The following FNBP1 variants were observed in gnomAD, a reference collection of about 807,000 sequenced individuals.
FNBP1 encodes the protein formin-binding protein 1.
In FNBP1, 26 loss-of-function variants were observed where a neutral mutation model predicts 90.6. The observed-to-expected ratio is 0.29, with a 90% CI of 0.21 to 0.40. The LOEUF (loss-of-function observed/expected upper bound fraction) is 0.40, where lower values mean the gene tolerates loss of function less well. Among genes scored for constraint, FNBP1 ranks in the 10% least tolerant of loss-of-function variants. FNBP1 has a pLI of 1.00. For synonymous variants in FNBP1, 260 were observed against 265.2 expected (o/e 0.98, Z 0.19); for missense variants, 635 against 768.0 (o/e 0.83, Z 2.05).
intron 12 of FNBP1, 141 bp from the exon 13 acceptor site, chr9:129,903,142 C>T: frequency 1.3e-6 from 1 of 776,808 alleles, no homozygotes; most frequent in Admixed American, 2.7e-5. Context: ...ACCTTCACCT[C>T]CAGGGTTCAA....
chr9:129,941,261 C>T (rs754890441), intron 6 of FNBP1, among the ~76,000 whole-genome samples: 14 of 152,070 alleles, frequency 9.2e-5, no homozygotes, highest in Non-Finnish European at 1.9e-4. Flanking sequence ...TGGTGGCCCA[C>T]GCCTGTAATC....
chr9:129,909,352 T>C (rs1485477011), intron 11 of FNBP1, among the ~76,000 whole-genome samples: 1 of 152,170 alleles, frequency 6.6e-6, no homozygotes, highest in East Asian at 1.9e-4. Flanking sequence ...TTACCATCAA[T>C]GTCAGTGGCA....
At chr9:130,014,265 T>A (rs192721027) in intron 1 of FNBP1, among the ~76,000 whole-genome samples, 1,696 of 149,960 alleles carry the variant, frequency 0.011, 11 homozygotes, top group South Asian at 0.023. Flanking sequence ...TTTTTTTTTC[T>A]TTTTGAGACG....
At chr9:130,011,133 G>A (rs184571528) in intron 1 of FNBP1, among the ~76,000 whole-genome samples, 6 of 143,884 alleles carry the variant, frequency 4.2e-5, no homozygotes, top group East Asian at 4.3e-4. Flanking sequence ...GGAGAACAGC[G>A]TGAACCCAGG....
At chr9:129,956,879 C>T (rs2047017584) in intron 6 of FNBP1, among the ~76,000 whole-genome samples, 1 of 152,168 alleles carries the variant, frequency 6.6e-6, no homozygotes, top group South Asian at 2.1e-4. Context: ...ACCGAAGATT[C>T]CCCACACTTG....
At chr9:130,049,483 G>C in the FNBP1 span, among the ~76,000 whole-genome samples, 1 of 152,112 alleles carries the variant, frequency 6.6e-6, no homozygotes, top group East Asian at 1.9e-4. Flanking sequence ...GGAGGTGAAG[G>C]TTGGAGGACT....
At chr9:129,979,725 T>C (rs1313294153) in intron 2 of FNBP1, among the ~76,000 whole-genome samples, 1 of 152,074 alleles carries the variant, frequency 6.6e-6, no homozygotes, top group African/African-American at 2.4e-5. Context: ...TTGCAACTTC[T>C]GCCTCCCGGG....
chr9:130,030,518 C>CCTACA (rs2058713142), intron 1 of FNBP1, among the ~76,000 whole-genome samples: 1 of 152,082 alleles, frequency 6.6e-6, no homozygotes, highest in Non-Finnish European at 1.5e-5. Flanking sequence ...AAAGGAATCA[C>CCTACA]CTACACAGCA....
In FNBP1 at chr9:129,895,971, T is replaced by A. The variant is rs1370738638; in HGVS notation, c.1713A>T (p.Val571=). The change falls in exon 16 of 17, where the codon GTA becomes GTT. Residue 571 remains valine, a synonymous_variant. Coordinates refer to ENST00000446176, the MANE Select transcript of FNBP1 (RefSeq NM_015033.3). ...TGACATACAATGTTTCTCCTTCAACTACGGAAATCGTTCCTTCATTCTGAC... is the reference window on the plus strand; with the variant it reads ...TGACATACAATGTTTCTCCTTCAACAACGGAAATCGTTCCTTCATTCTGAC... The part of the protein sequence containing the change: ...FEGQNEGTIS[V]VEGETLYVIE... The A allele has an allele frequency of 6.2e-7, 1 of 1,609,804 alleles. No homozygotes were observed. Among genetic ancestry groups the A allele is most frequent in the Admixed American group, 1.7e-5 (1 of 58,970 alleles).
chr9:129,967,456 A>G (rs961673227), intron 4 of FNBP1, among the ~76,000 whole-genome samples: 26 of 152,286 alleles, frequency 1.7e-4, no homozygotes, highest in African/African-American at 5.8e-4. Context: ...CGGAACTTGC[A>G]GAGAGCCGAG....
At chr9:129,935,993 T>C (rs1373242994) in intron 6 of FNBP1, among the ~76,000 whole-genome samples, 2 of 152,176 alleles carry the variant, frequency 1.3e-5, no homozygotes, top group African/African-American at 4.8e-5. Flanking sequence ...AATCGCAGTT[T>C]TTGTCATTTG....
At chr9:129,905,959 C>A (rs1416443237) in intron 12 of FNBP1, among the ~76,000 whole-genome samples, 1 of 151,540 alleles carries the variant, frequency 6.6e-6, no homozygotes. Context: ...TCTCAGCTCA[C>A]TGCAACCTCT....
intron 2 of FNBP1, among the ~76,000 whole-genome samples, chr9:129,988,052 A>G (rs565849417): frequency 1.3e-5 from 2 of 152,192 alleles, no homozygotes; most frequent in Admixed American, 1.3e-4. Context: ...CCCCATGCAT[A>G]CTAAGAGAAA....
At chr9:129,929,828 CT>C in intron 6 of FNBP1, 133 bp from the exon 7 acceptor site, 1 of 760,446 alleles carries the variant, frequency 1.3e-6, no homozygotes, top group Non-Finnish European at 2.1e-6. Flanking sequence ...TCCGCGGGTG[CT>C]TTTTAATGTT....
At chr9:129,919,167 C>A (rs1247014280) in intron 10 of FNBP1, 1 of 1,296,272 alleles carries the variant, frequency 7.7e-7, no homozygotes, top group Admixed American at 2.3e-5. Context: ...ACAACATAGT[C>A]CCTAGCCTCA....
chr9:129,913,407 G>A (rs767532972), intron 11 of FNBP1, among the ~76,000 whole-genome samples: 1 of 152,074 alleles, frequency 6.6e-6, no homozygotes, highest in Non-Finnish European at 1.5e-5. Context: ...TGGGAAGAGA[G>A]GGTCATACAC....
chr9:129,991,881 G>C (rs1010537354), intron 2 of FNBP1, among the ~76,000 whole-genome samples: 1 of 151,892 alleles, frequency 6.6e-6, no homozygotes, highest in African/African-American at 2.4e-5. Context: ...GGATGGTCTC[G>C]ATCTCCTGAC....
intron 1 of FNBP1, among the ~76,000 whole-genome samples, chr9:130,019,717 G>A (rs986146774): frequency 2.0e-5 from 3 of 152,060 alleles, no homozygotes; most frequent in African/African-American, 7.2e-5. Flanking sequence ...TTTTCAAGTG[G>A]TCAAATGCAT....
At chr9:130,026,979 A>G (rs959072710) in intron 1 of FNBP1, among the ~76,000 whole-genome samples, 6 of 151,992 alleles carry the variant, frequency 3.9e-5, no homozygotes, top group Admixed American at 6.6e-5. Context: ...AAAAAAAAAA[A>G]AAAAGTTTTG....
Sources: allele counts gnomAD v4.1 joint callset (sites outside exome capture counted in the v4.1 genomes callset), GRCh38; gene constraint gnomAD v4.1.1; transcripts MANE v1.5; gene names NCBI Gene and HGNC (gene_info 2026-07-23, HGNC 2026-07-21).